PPP2R2B: variants seen among roughly 807,000 people sequenced by gnomAD.
PPP2R2B encodes protein phosphatase 2 regulatory subunit Bbeta.
Under a neutral mutation model 46.0 loss-of-function variants are expected in PPP2R2B, and 5 were observed. The ratio of observed to expected loss-of-function variants is 0.11; its 90% CI spans 0.06 to 0.23. The LOEUF (loss-of-function observed/expected upper bound fraction) is 0.23. Ranked by LOEUF, PPP2R2B falls within the 10% of genes least tolerant of loss-of-function variation. The pLI, the probability that PPP2R2B is intolerant of heterozygous loss-of-function variation, is 1.00. For missense variants in PPP2R2B, 367 were observed against 575.0 expected (o/e 0.64, Z 3.70); for synonymous variants, 215 against 206.7 (o/e 1.04, Z -0.34).
intron 4 of PPP2R2B, among the ~76,000 whole-genome samples, chr5:146,691,875 T>TG (rs1778875467): frequency 6.6e-6 from 1 of 152,150 alleles, no homozygotes; most frequent in South Asian, 2.1e-4. Context: ...TACCCTCTTT[T>TG]TCGTATAATT....
intron 8 of PPP2R2B, among the ~76,000 whole-genome samples, chr5:146,593,580 G>GTAT (rs1423544077): frequency 1.3e-5 from 2 of 152,192 alleles, no homozygotes; most frequent in Non-Finnish European, 2.9e-5. Flanking sequence ...TGTCGGGGGT[G>GTAT]TATTATTTTA....
At chr5:147,054,090 A>C (rs1756957571) in intron 1 of PPP2R2B, among the ~76,000 whole-genome samples, 1 of 152,228 alleles carries the variant, frequency 6.6e-6, no homozygotes, top group African/African-American at 2.4e-5. Context: ...TTTTAATGAA[A>C]TAAATCAGTG....
intron 2 of PPP2R2B, among the ~76,000 whole-genome samples, chr5:146,855,702 G>C (rs975517846): frequency 6.6e-6 from 1 of 152,090 alleles, no homozygotes; most frequent in Admixed American, 6.6e-5. Flanking sequence ...CACCTCTAAA[G>C]AGAATCTCTG....
intron 1 of PPP2R2B, among the ~76,000 whole-genome samples, chr5:146,990,640 C>T (rs149557852): frequency 1.3e-5 from 2 of 152,122 alleles, no homozygotes; most frequent in Non-Finnish European, 2.9e-5. Flanking sequence ...GGAAATGCTT[C>T]ATGAAATTGG....
intron 2 of PPP2R2B, among the ~76,000 whole-genome samples, chr5:146,839,496 G>A (rs569722678): frequency 6.6e-6 from 1 of 152,226 alleles, no homozygotes; most frequent in South Asian, 2.1e-4. Flanking sequence ...CTCCAGCCTG[G>A]GTGATGAGCG....
At chr5:147,047,339 G>A (rs754000571) in intron 1 of PPP2R2B, among the ~76,000 whole-genome samples, 8 of 152,042 alleles carry the variant, frequency 5.3e-5, no homozygotes, top group Non-Finnish European at 1.2e-4. Flanking sequence ...TGTTTGAGAT[G>A]ATGAATATGC....
At chr5:146,728,419 G>GAAAATTGAATGGGCTCAGA in intron 2 of PPP2R2B, among the ~76,000 whole-genome samples, 1 of 152,016 alleles carries the variant, frequency 6.6e-6, no homozygotes, top group Non-Finnish European at 1.5e-5. Context: ...TTTTCTCTCA[G>GAAAATTGAATGGGCTCAGA]AAGAGAGAAT....
At chr5:146,770,682 TCTG>T in intron 2 of PPP2R2B, among the ~76,000 whole-genome samples, 1 of 152,252 alleles carries the variant, frequency 6.6e-6, no homozygotes, top group East Asian at 1.9e-4. Flanking sequence ...AGCAAGTAAA[TCTG>T]CTATGTGGGT....
Position 146,898,819 on chromosome 5 carries a change from T to C in PPP2R2B, c.79+156846A>G, listed in dbSNP as rs925388111. ...CCCATCAAAAAGTGGGCGAAGGACA[T>C]GAACAGACACTTCTCAAAAGAAGAC... On this transcript the variant is annotated intron_variant, in intron 1 of 8. Coordinates refer to the PPP2R2B transcript ENST00000336640. Among the ~76,000 whole-genome samples the C allele has an allele frequency of 6.9e-3, 919 of 133,080 alleles. 48 individuals are homozygous for C. The highest frequency in any genetic ancestry group is 0.028 in the African/African-American group (875 of 31,400). 87.3% of individuals were successfully genotyped at this position (133,080 alleles called of 152,430 possible).
At chr5:147,015,926 T>G (rs1315400645) in intron 1 of PPP2R2B, among the ~76,000 whole-genome samples, 1 of 151,492 alleles carries the variant, frequency 6.6e-6, no homozygotes, top group Non-Finnish European at 1.5e-5. Context: ...ACGAGTATAT[T>G]ATTTCCTGTT....
chr5:147,002,461 T>C (rs762504729), intron 1 of PPP2R2B, among the ~76,000 whole-genome samples: 8 of 152,248 alleles, frequency 5.3e-5, no homozygotes, highest in Non-Finnish European at 1.0e-4. Context: ...CATAACATCT[T>C]TATAGGAAAT....
chr5:146,932,312 G>T (rs1165024331), intron 1 of PPP2R2B, among the ~76,000 whole-genome samples: 1 of 152,074 alleles, frequency 6.6e-6, no homozygotes, highest in Non-Finnish European at 1.5e-5. Flanking sequence ...ATATGGTTTG[G>T]CTGTGTCCCC....
chr5:146,764,939 G>A (rs1382966571), intron 2 of PPP2R2B, among the ~76,000 whole-genome samples: 1 of 152,028 alleles, frequency 6.6e-6, no homozygotes, highest in Non-Finnish European at 1.5e-5. Context: ...ATATGTCATT[G>A]CAGTACAATT....
intron 7 of PPP2R2B, among the ~76,000 whole-genome samples, chr5:146,618,884 G>A (rs551183167): frequency 6.6e-6 from 1 of 152,296 alleles, no homozygotes; most frequent in Non-Finnish European, 1.5e-5. Context: ...AACATGAAAC[G>A]ACCGGCAATC....
At chr5:146,670,511 A>AT (rs1457611120) in intron 5 of PPP2R2B, among the ~76,000 whole-genome samples, 1 of 151,056 alleles carries the variant, frequency 6.6e-6, no homozygotes, top group Non-Finnish European at 1.5e-5. Flanking sequence ...TTATTTATTT[A>AT]TTGAGACAGA....
intron 1 of PPP2R2B, among the ~76,000 whole-genome samples, chr5:147,009,731 A>C (rs1181713025): frequency 2.0e-5 from 3 of 152,144 alleles, no homozygotes; most frequent in African/African-American, 7.2e-5. Context: ...TTAAGGTTAC[A>C]TACAGATATT....
At chr5:146,632,062 C>T (rs1203058425) in intron 7 of PPP2R2B, among the ~76,000 whole-genome samples, 1 of 29,582 alleles carries the variant, frequency 3.4e-5, no homozygotes, top group Non-Finnish European at 5.9e-5. Flanking sequence ...CTGAGTTGTG[C>T]CCCCCCCCCC....
At chr5:146,646,425 G>C (rs1423033) in intron 6 of PPP2R2B, among the ~76,000 whole-genome samples, 114,422 of 152,182 alleles carry the variant, frequency 0.75, 44,247 homozygotes, top group Non-Finnish European at 0.83. Context: ...CTATTAATGA[G>C]TTGTTATAGT....
At chr5:146,937,108 C>T (rs553209808) in intron 1 of PPP2R2B, among the ~76,000 whole-genome samples, 2 of 152,080 alleles carry the variant, frequency 1.3e-5, no homozygotes, top group South Asian at 4.2e-4. Context: ...TCGAAATCAG[C>T]CTGGCTAACA....
Sources: gnomAD v4.1 joint callset for allele counts (sites outside exome capture counted in the v4.1 genomes callset) on GRCh38, gnomAD v4.1.1 for gene constraint, MANE v1.5 for transcripts, NCBI Gene and HGNC (gene_info 2026-07-23, HGNC 2026-07-21) for gene names.